Variants in MSI2 observed in about 807,000 individuals in gnomAD.
The protein encoded by MSI2 is RNA-binding protein Musashi homolog 2.
A neutral mutation model predicts 45.6 loss-of-function variants in MSI2; 17 were observed. That is an observed-to-expected ratio of 0.37 (90% CI 0.26 to 0.56). The LOEUF is 0.56. Ranked by LOEUF, MSI2 falls within the 20% of genes least tolerant of loss-of-function variation. The pLI is 0.77. For synonymous variants in MSI2, 156 were observed against 158.2 expected (o/e 0.99, Z 0.11); for missense variants, 293 against 444.2 (o/e 0.66, Z 3.06).
At chr17:57,432,036 C>T (rs540117418) in intron 6 of MSI2, among the ~76,000 whole-genome samples, 1 of 152,312 alleles carries the variant, frequency 6.6e-6, no homozygotes, top group South Asian at 2.1e-4. Flanking sequence ...CCCCTCAACA[C>T]GTTCAGCCTT....
intron 10 of MSI2, chr17:57,630,491 G>A (rs1026429839): frequency 6.6e-6 from 1 of 152,232 alleles, no homozygotes; most frequent in African/African-American, 2.4e-5. Flanking sequence ...CAAGAGTAAG[G>A]TTGCCTGCTC....
At chr17:57,599,472 T>C (rs1905621093) in intron 8 of MSI2, among the ~76,000 whole-genome samples, 1 of 152,244 alleles carries the variant, frequency 6.6e-6, no homozygotes, top group Non-Finnish European at 1.5e-5. Flanking sequence ...TGGGGCTGGC[T>C]TGAAGCCAGA....
chr17:57,559,808 G>A lies in MSI2; in HGVS notation c.454+30084G>A, dbSNP rs1277537600. On this transcript the variant is annotated intron_variant, in intron 7 of 13. Transcript: ENST00000284073. ...GGGCCAAGGCCACTGGACGTCTGGA[G>A]AGAGTCTGGCCACAATGGCCAAGTG... Among the ~76,000 whole-genome samples the A allele has an allele frequency of 2.0e-5, 3 of 152,388 alleles. No individual in the cohort carries two copies. The East Asian group carries it at 5.8e-4, about 29-fold the overall frequency.
chr17:57,620,522 T>C (rs899273087), intron 9 of MSI2, among the ~76,000 whole-genome samples: 1 of 151,934 alleles, frequency 6.6e-6, no homozygotes, highest in African/African-American at 2.4e-5. Context: ...AAGCTGGGAG[T>C]TGTTATTAAC....
intron 6 of MSI2, among the ~76,000 whole-genome samples, chr17:57,528,876 G>C (rs576611015): frequency 2.1e-4 from 32 of 152,260 alleles, no homozygotes; most frequent in Non-Finnish European, 3.5e-4. Flanking sequence ...GGGAGACACA[G>C]TTGAGCCCAT....
At chr17:57,355,894 T>G (rs1221569549) in intron 5 of MSI2, among the ~76,000 whole-genome samples, 1 of 152,124 alleles carries the variant, frequency 6.6e-6, no homozygotes. Context: ...TTTCCCAGGC[T>G]AGGACATGGG....
chr17:57,644,784 T>C (rs559536271), intron 10 of MSI2, among the ~76,000 whole-genome samples: 1 of 152,244 alleles, frequency 6.6e-6, no homozygotes, highest in Admixed American at 6.5e-5. Context: ...GGGCCGGTGA[T>C]GCATATTACA....
At chr17:57,531,155 C>T (rs1284755539) in intron 7 of MSI2, among the ~76,000 whole-genome samples, 2 of 152,166 alleles carry the variant, frequency 1.3e-5, no homozygotes, top group Admixed American at 6.5e-5. Flanking sequence ...GTCAATCTAG[C>T]TTTATGGTTT....
At chr17:57,292,842 T>C (rs1357831400) in intron 5 of MSI2, among the ~76,000 whole-genome samples, 1 of 152,140 alleles carries the variant, frequency 6.6e-6, no homozygotes, top group East Asian at 1.9e-4. Context: ...GAAGGAAGTA[T>C]AAATGTACAG....
intron 7 of MSI2, among the ~76,000 whole-genome samples, chr17:57,570,078 A>C (rs961400865): frequency 6.6e-6 from 1 of 152,238 alleles, no homozygotes; most frequent in African/African-American, 2.4e-5. Context: ...ATGATTACAC[A>C]TCCATTAAAA....
intron 5 of MSI2, among the ~76,000 whole-genome samples, chr17:57,389,378 T>C (rs1001985752): frequency 5.3e-5 from 8 of 152,304 alleles, no homozygotes; most frequent in African/African-American, 1.9e-4. Context: ...CCTCCTTGCA[T>C]CCCACAATGT....
chr17:57,447,545 A>G (rs1366878777), intron 6 of MSI2, among the ~76,000 whole-genome samples: 1 of 152,012 alleles, frequency 6.6e-6, no homozygotes, highest in Non-Finnish European at 1.5e-5. Context: ...ACAGCTGTGC[A>G]GTCAAGCCCT....
At chr17:57,335,170 T>C (rs9892900) in intron 5 of MSI2, among the ~76,000 whole-genome samples, 29,142 of 145,554 alleles carry the variant, frequency 0.2, 6,090 homozygotes, top group African/African-American at 0.52. Flanking sequence ...GCCCCCACCA[T>C]CCCTGTCTGC....
intron 7 of MSI2, among the ~76,000 whole-genome samples, chr17:57,580,707 C>T (rs936056822): frequency 1.3e-5 from 2 of 152,182 alleles, no homozygotes; most frequent in South Asian, 4.1e-4. Flanking sequence ...CTTCAATAAA[C>T]CCCTCTGGCC....
intron 5 of MSI2, among the ~76,000 whole-genome samples, chr17:57,283,785 C>T (rs968386928): frequency 2.0e-5 from 3 of 152,182 alleles, no homozygotes; most frequent in Admixed American, 6.5e-5. Context: ...CACGCGCACG[C>T]GCACTCCCGG....
At chr17:57,418,749 T>C (rs1268958405) in intron 6 of MSI2, among the ~76,000 whole-genome samples, 2 of 152,224 alleles carry the variant, frequency 1.3e-5, no homozygotes, top group African/African-American at 2.4e-5. Flanking sequence ...TCCTTGACTC[T>C]GCTCACTCAC....
chr17:57,686,360 A>G (rs1219924411), downstream of MSI2, among the ~76,000 whole-genome samples: 1 of 152,258 alleles, frequency 6.6e-6, no homozygotes, highest in African/African-American at 2.4e-5. Context: ...CTAGAAGGAA[A>G]AAGAAGAAAC....
chr17:57,632,689 A>G (rs1375291751), intron 10 of MSI2: 6 of 1,065,886 alleles, frequency 5.6e-6, no homozygotes, highest in Non-Finnish European at 6.8e-6. Context: ...TCATTTCCCT[A>G]ACTGAAATAC....
chr17:57,373,079 A>C (rs1298836334), intron 5 of MSI2, among the ~76,000 whole-genome samples: 2 of 152,146 alleles, frequency 1.3e-5, no homozygotes, highest in African/African-American at 4.8e-5. Flanking sequence ...TGGTAGAGAC[A>C]TATCTGTCTC....
Sources: gnomAD v4.1 joint callset for allele counts (sites outside exome capture counted in the v4.1 genomes callset) on GRCh38, gnomAD v4.1.1 for gene constraint, MANE v1.5 for transcripts, NCBI Gene and HGNC (gene_info 2026-07-23, HGNC 2026-07-21) for gene names.